GNRHR: variants seen among roughly 807,000 people sequenced by gnomAD.
GNRHR encodes gonadotropin releasing hormone receptor.
In GNRHR, 14 loss-of-function variants were observed where a neutral mutation model predicts 28.1. That is an observed-to-expected ratio of 0.50 (90% CI 0.33 to 0.78). The LOEUF is 0.78. Among genes scored for constraint, GNRHR ranks in the 30% least tolerant of loss-of-function variants. The probability of loss-of-function intolerance (pLI) is 0.02; values close to 1 mark genes in which losing one functional copy is unlikely to be tolerated. For synonymous variants in GNRHR, 141 were observed against 140.5 expected (o/e 1.00, Z -0.02); for missense variants, 366 against 382.1 (o/e 0.96, Z 0.35).
At chr4:67,751,638 A>G (rs552510967) in intron 1 of GNRHR, 2 of 152,358 alleles carry the variant, frequency 1.3e-5, no homozygotes, top group East Asian at 3.9e-4. Flanking sequence ...GTTAATACTT[A>G]GATGAAAATA....
rs554900120 is a variant in GNRHR at position 67,742,228 on chromosome 4, G to A, written c.743-1504C>T. ...TGATCCATCTTGAGTTGATTTTTGTGTAGGATGAGAGATGAGGATCCAGTT... is the reference window on the plus strand; with the variant it reads ...TGATCCATCTTGAGTTGATTTTTGTATAGGATGAGAGATGAGGATCCAGTT... On this transcript the variant is annotated intron_variant, in intron 2 of 2. Transcript: ENST00000226413. Among the ~76,000 whole-genome samples the A allele has an allele frequency of 1.1e-4, 16 of 152,180 alleles. No homozygotes were observed. The Middle Eastern group carries it at 0.01, about 97-fold the overall frequency.
Position 67,740,396 on chromosome 4 carries a change from C to T in GNRHR, c.*84G>A, listed in dbSNP as rs1731635213. 7.8e-6 allele frequency: 8 copies of T among 1,027,348 alleles called. No individual in the cohort carries two copies. In the African/African-American group the frequency reaches 7.9e-5, roughly 10 times the overall value. The allele number at this position is 1,027,348 out of a possible 1,614,324, so 63.6% of individuals were successfully genotyped here. A position where few individuals can be genotyped will look rare whatever the true frequency, so the allele number is the denominator to read the frequency against. ...CCTACTTTGTTTGTATGTAAACATG[C>T]TCCAACATTTGTGTTAATCATTCCC... is the stretch of plus-strand genomic sequence containing the variant. On this transcript the variant is annotated 3_prime_UTR_variant, in exon 3 of 3. Transcript: ENST00000226413.
intron 1 of GNRHR, among the ~76,000 whole-genome samples, chr4:67,752,979 C>A (rs1731899417): frequency 6.6e-6 from 1 of 152,322 alleles, no homozygotes; most frequent in East Asian, 1.9e-4. Context: ...ACTTGTTCAT[C>A]TGCTATTAAC....
At chr4:67,749,761 G>T (rs187777381) in intron 1 of GNRHR, among the ~76,000 whole-genome samples, 1 of 150,432 alleles carries the variant, frequency 6.6e-6, no homozygotes, top group Admixed American at 6.7e-5. Context: ...ATACCTCCAA[G>T]ACTTGAATTA....
At position 67,740,481 on chromosome 4, in the gene GNRHR, C is replaced by G; in HGVS notation, c.986G>C (p.Ter329SerextTer22). 1 of 1,600,130 alleles carries G rather than the reference C, an allele frequency of 6.2e-7. No individual in the cohort carries two copies. The change falls in exon 3 of 3, where the codon TGA becomes TCA. Residue 329 changes from the stop codon to serine, a stop_lost. Transcript: ENST00000226413. The part of the protein sequence containing the change: ...DPLIYGYFSL[*>S] ...ATGACTTCTTGTGTAGTCTATCAAT[C>G]ACAGAGAAAAATATCCATAGATAAG...
chr4:67,753,896 AG>A lies in GNRHR; in HGVS notation c.439del (p.Leu147Ter). ...GACTTTGCTGTTGCTTTTCAAAGCT[AG>A]GGGCCTCGTGATAGCCAGGGAGCGG... ...LDRSLAITRP[L>X]ALKSNSKVGQ... is the part of the protein sequence containing the mutation. On this transcript the variant is annotated frameshift_variant, in exon 1 of 3. Transcript: ENST00000226413. LOFTEE classifies it high-confidence loss of function. 1 of 1,613,942 alleles carries A rather than the reference AG, an allele frequency of 6.2e-7. No individual in the cohort carries two copies. The highest frequency in any genetic ancestry group is 2.2e-5 in the East Asian group (1 of 44,878).
At chr4:67,744,113 C>T (rs576747027) in intron 2 of GNRHR, among the ~76,000 whole-genome samples, 5 of 152,214 alleles carry the variant, frequency 3.3e-5, no homozygotes, top group African/African-American at 9.6e-5. Context: ...GTCAATATTT[C>T]GCATATTAAC....
At chr4:67,753,123 G>C (rs1485523314) in intron 1 of GNRHR, among the ~76,000 whole-genome samples, 1 of 152,130 alleles carries the variant, frequency 6.6e-6, no homozygotes, top group East Asian at 1.9e-4. Context: ...CTGTGGGGAG[G>C]GCCTGTGCCT....
At position 67,754,377 on chromosome 4, in the gene GNRHR, A is replaced by G. The variant is rs775476548; in HGVS notation, c.-42T>C. On this transcript the variant is annotated 5_prime_UTR_variant, in exon 1 of 3. An upstream start codon of the reference 5' UTR is lost. Coordinates refer to ENST00000226413, the MANE Select transcript of GNRHR (RefSeq NM_000406.3). ...GCTTCAAGCCTTGTGTCTCTGGTGC[A>G]TCTGATATTTTATTGTAACCGAATC... 1 of 1,512,650 alleles carries G rather than the reference A, an allele frequency of 6.6e-7. No homozygotes were observed. Among genetic ancestry groups the G allele is most frequent in the South Asian group, 1.1e-5 (1 of 89,232 alleles). The allele number at this position is 1,512,650 out of a possible 1,614,324, so 93.7% of individuals were successfully genotyped here. A position where few individuals can be genotyped will look rare whatever the true frequency, so the allele number is the denominator to read the frequency against.
At position 67,754,025 on chromosome 4, in the gene GNRHR, G is replaced by C; in HGVS notation, c.311C>G (p.Thr104Arg). The stretch of plus-strand genomic sequence containing the variant: ...TAACTCTCCAGCATACCATTGGACT[G>C]TAATGTTCCACATCCCATCCAGTGG... ...VMPLDGMWNI[T>R]VQWYAGELLC... Residue 104 changes from threonine to arginine, a missense_variant, in exon 1 of 3, where the codon ACA becomes AGA. Coordinates refer to ENST00000226413, the MANE Select transcript of GNRHR (RefSeq NM_000406.3). 1.9e-6 allele frequency: 3 copies of C among 1,613,804 alleles called. No individual in the cohort carries two copies. The highest frequency in any genetic ancestry group is 2.5e-6 in the Non-Finnish European group (3 of 1,179,684).
chr4:67,740,744 G>A lies in GNRHR; in HGVS notation c.743-20C>T. Reference sequence around the variant, plus strand: ...GTAGTTCTGTTGGATAGAGAAAAGAGCAGGTGTTTAAAGATCAGTTTTCTT... The same window carrying A: ...GTAGTTCTGTTGGATAGAGAAAAGAACAGGTGTTTAAAGATCAGTTTTCTT... On this transcript the variant is annotated intron_variant, in intron 2 of 2. Transcript: ENST00000226413. 3 of 1,602,352 alleles carry A rather than the reference G, an allele frequency of 1.9e-6. No homozygotes were observed. Among genetic ancestry groups the A allele is most frequent in the Non-Finnish European group, 2.6e-6 (3 of 1,169,328 alleles).
Position 67,740,476 on chromosome 4 carries a change from T to A in GNRHR, c.*4A>T. The A allele has an allele frequency of 6.3e-7, 1 of 1,596,184 alleles. No individual in the cohort carries two copies. Among genetic ancestry groups the A allele is most frequent in the Non-Finnish European group, 8.6e-7 (1 of 1,163,820 alleles). On this transcript the variant is annotated 3_prime_UTR_variant, in exon 3 of 3. Transcript: ENST00000226413. Reference sequence around the variant, plus strand: ...TTCATATGACTTCTTGTGTAGTCTATCAATCACAGAGAAAAATATCCATAG... The same window carrying A: ...TTCATATGACTTCTTGTGTAGTCTAACAATCACAGAGAAAAATATCCATAG...
Position 67,740,504 on chromosome 4 carries a change from A to G in GNRHR, c.963T>C (p.Leu321=). The part of the protein sequence containing the change: ...FAFLNPCFDP[L]IYGYFSL ...ATCACAGAGAAAAATATCCATAGAT[A>G]AGTGGATCAAAGCATGGGTTTAAAA... is the stretch of plus-strand genomic sequence containing the variant. Residue 321 remains leucine (L), a synonymous_variant, in exon 3 of 3, where the codon CTT becomes CTC. Coordinates refer to ENST00000226413, the MANE Select transcript of GNRHR (RefSeq NM_000406.3). 1 of 1,602,726 alleles carries G rather than the reference A, an allele frequency of 6.2e-7. No individual in the cohort carries two copies.
Position 67,744,717 on chromosome 4 carries a change from G to T in GNRHR, c.593C>A (p.Thr198Lys). ...CCACCATTGTGAAAAACTGCAGTGTGTTACACATTGAGAGAAAACTTTTGT... is the reference window on the plus strand; with the variant it reads ...CCACCATTGTGAAAAACTGCAGTGTTTTACACATTGAGAGAAAACTTTTGT... The part of the protein sequence containing the change: ...GQTKVFSQCV[T>K]HCSFSQWWHQ... The change falls in exon 2 of 3, where the codon ACA becomes AAA. Residue 198 changes from threonine (T) to lysine (K), a missense_variant. By Grantham distance (78) the Thr-to-Lys change is moderately conservative (BLOSUM62 -1). Transcript: ENST00000226413. 1 of 1,611,294 alleles carries T rather than the reference G, an allele frequency of 6.2e-7. No individual in the cohort carries two copies. The highest frequency in any genetic ancestry group is 8.5e-7 in the Non-Finnish European group (1 of 1,177,362).
At chr4:67,742,945 C>CTTTTCACAT (rs1731685850) in intron 2 of GNRHR, among the ~76,000 whole-genome samples, 2 of 151,270 alleles carry the variant, frequency 1.3e-5, no homozygotes, top group Non-Finnish European at 3.0e-5. Context: ...AGGCCTTGCT[C>CTTTTCACAT]TTTTCACATA....
chr4:67,745,689 A>G (rs567778735), intron 1 of GNRHR, among the ~76,000 whole-genome samples: 33 of 152,256 alleles, frequency 2.2e-4, no homozygotes, highest in African/African-American at 7.9e-4. Flanking sequence ...TGTAAGGAAT[A>G]CAATAATAAC....
chr4:67,748,538 T>C (rs919585489), intron 1 of GNRHR, among the ~76,000 whole-genome samples: 4 of 152,022 alleles, frequency 2.6e-5, no homozygotes, highest in Non-Finnish European at 5.9e-5. Flanking sequence ...TGCCTTTTTC[T>C]TCCCCAGCCT....
chr4:67,753,458 A>G (rs1560519937), intron 1 of GNRHR, among the ~76,000 whole-genome samples: 1 of 152,242 alleles, frequency 6.6e-6, no homozygotes, highest in African/African-American at 2.4e-5. Context: ...AGAAAAACAG[A>G]TAAAAGAATA....
rs1359189872 is a variant in GNRHR at position 67,737,506 on chromosome 4, T to A, written c.*2974A>T. Among the ~76,000 whole-genome samples the A allele has an allele frequency of 6.6e-6, 1 of 152,014 alleles. No homozygotes were observed. Among genetic ancestry groups the A allele is most frequent in the Non-Finnish European group, 1.5e-5 (1 of 67,908 alleles). ...GATGGAGTTCTAGAAGTATTTTAAC[T>A]GCCTAAAAACATTATCTCTTCATGA... On this transcript the variant is annotated 3_prime_UTR_variant, in exon 3 of 3. Transcript: ENST00000226413.
Sources: allele counts gnomAD v4.1 joint callset (sites outside exome capture counted in the v4.1 genomes callset), GRCh38; gene constraint gnomAD v4.1.1; transcripts MANE v1.5; gene names NCBI Gene and HGNC (gene_info 2026-07-23, HGNC 2026-07-21).